SLC39A12: variants seen among roughly 807,000 people sequenced by gnomAD.
SLC39A12 encodes the protein solute carrier family 39 member 12, also known as zinc transporter ZIP12.
In SLC39A12, 63 loss-of-function variants were observed where a neutral mutation model predicts 71.1. That is an observed-to-expected ratio of 0.89 (90% CI 0.72 to 1.09). The LOEUF is 1.09. SLC39A12 is among the 50% of genes least tolerant of loss of function. The pLI, the probability that SLC39A12 is intolerant of heterozygous loss-of-function variation, is 0.00. For missense variants in SLC39A12, 892 were observed against 812.6 expected (o/e 1.10, Z -1.19); for synonymous variants, 351 against 301.3 (o/e 1.16, Z -1.71).
At chr10:17,985,166 A>G (rs1417018749) in intron 6 of SLC39A12, among the ~76,000 whole-genome samples, 5 of 152,120 alleles carry the variant, frequency 3.3e-5, no homozygotes, top group African/African-American at 1.2e-4. Flanking sequence ...AACATGATGG[A>G]ACCCCGTCTC....
At chr10:18,018,934 C>G (rs1018209402) in intron 12 of SLC39A12, among the ~76,000 whole-genome samples, 1 of 152,106 alleles carries the variant, frequency 6.6e-6, no homozygotes, top group Admixed American at 6.5e-5. Context: ...CCTTCTACTT[C>G]TATCTTCTGA....
chr10:18,000,039 T>C (rs1564652208), intron 10 of SLC39A12, among the ~76,000 whole-genome samples: 1 of 152,204 alleles, frequency 6.6e-6, no homozygotes. Context: ...CTGGATGGCT[T>C]ATCAACAAAA....
intron 4 of SLC39A12, among the ~76,000 whole-genome samples, chr10:17,968,084 T>A (rs1396106959): frequency 6.6e-6 from 1 of 151,154 alleles, no homozygotes; most frequent in African/African-American, 2.4e-5. Context: ...TATGTATACA[T>A]GTGTGTTTCT....
At chr10:18,041,982 G>GCT (rs905716500) in intron 12 of SLC39A12, among the ~76,000 whole-genome samples, 9 of 149,976 alleles carry the variant, frequency 6.0e-5, no homozygotes, top group African/African-American at 2.0e-4. Flanking sequence ...CTTAGTCATC[G>GCT]CTCTCTCTCT....
intron 12 of SLC39A12, among the ~76,000 whole-genome samples, chr10:18,039,964 T>C (rs1281333153): frequency 6.6e-6 from 1 of 152,210 alleles, no homozygotes; most frequent in Non-Finnish European, 1.5e-5. Flanking sequence ...TGAAAGATAT[T>C]CATTCGCCAC....
chr10:18,041,160 A>C (rs1837214382), intron 12 of SLC39A12, among the ~76,000 whole-genome samples: 1 of 152,168 alleles, frequency 6.6e-6, no homozygotes, highest in African/African-American at 2.4e-5. Flanking sequence ...GGGCTTTGAA[A>C]TAATTTGAGA....
Position 17,991,148 on chromosome 10 carries a change from A to G in SLC39A12, c.1270-3A>G. On this transcript the variant is annotated splice_polypyrimidine_tract_variant and splice_region_variant and intron_variant, in intron 7 of 12. Coordinates refer to ENST00000377369, the MANE Select transcript of SLC39A12 (RefSeq NM_001145195.2). ...GCCTTTTTTTTTTTTTTTTCCCCTG[A>G]AGGTTCTTGGTTTACATAAGCAGGA... 7.1e-7 allele frequency: 1 copy of G among 1,409,786 alleles called. No individual in the cohort carries two copies. Among genetic ancestry groups the G allele is most frequent in the South Asian group, 1.5e-5 (1 of 67,884 alleles). The allele number at this position is 1,409,786 out of a possible 1,614,324, so 87.3% of individuals were successfully genotyped here. A position where few individuals can be genotyped will look rare whatever the true frequency, so the allele number is the denominator to read the frequency against.
chr10:18,030,257 G>A (rs908663609), intron 12 of SLC39A12, among the ~76,000 whole-genome samples: 1 of 151,478 alleles, frequency 6.6e-6, no homozygotes, highest in African/African-American at 2.4e-5. Flanking sequence ...TGCAAACTTA[G>A]TCTTTTCTTT....
At chr10:18,037,115 C>T (rs1283858851) in intron 12 of SLC39A12, among the ~76,000 whole-genome samples, 1 of 151,992 alleles carries the variant, frequency 6.6e-6, no homozygotes, top group Non-Finnish European at 1.5e-5. Context: ...ATACCTCTTT[C>T]CAAAATTTTT....
At chr10:18,022,273 T>A (rs1836553726) in intron 12 of SLC39A12, among the ~76,000 whole-genome samples, 1 of 152,178 alleles carries the variant, frequency 6.6e-6, no homozygotes, top group Non-Finnish European at 1.5e-5. Context: ...GAGTCATAGA[T>A]TTTATCTCTT....
At chr10:18,036,381 C>T (rs1012281116) in intron 12 of SLC39A12, among the ~76,000 whole-genome samples, 80 of 152,190 alleles carry the variant, frequency 5.3e-4, no homozygotes, top group Non-Finnish European at 1.1e-3. Context: ...GTCTGAAAAG[C>T]GCAGTATTCG....
Position 18,042,883 on chromosome 10 carries a change from G to C in SLC39A12, c.*50G>C, listed in dbSNP as rs749451800. The stretch of plus-strand genomic sequence containing the variant: ...AAATGCATTTATATAGTCTTACTTT[G>C]TTTCTTTCATTGCACTCTATAATGA... On this transcript the variant is annotated 3_prime_UTR_variant, in exon 13 of 13. Transcript: ENST00000377369. 4 of 1,510,898 alleles carry C rather than the reference G, an allele frequency of 2.6e-6. No individual in the cohort carries two copies. The highest frequency in any genetic ancestry group is 3.6e-6 in the Non-Finnish European group (4 of 1,120,166). The allele number at this position is 1,510,898 out of a possible 1,614,324, so 93.6% of individuals were successfully genotyped here.
chr10:17,971,552 T>C (rs1417101228), intron 4 of SLC39A12, among the ~76,000 whole-genome samples: 1 of 152,010 alleles, frequency 6.6e-6, no homozygotes, highest in Admixed American at 6.6e-5. Flanking sequence ...TTCTTCCTGG[T>C]TTAATCATGG....
intron 12 of SLC39A12, among the ~76,000 whole-genome samples, chr10:18,018,604 T>G (rs1240121314): frequency 6.6e-6 from 1 of 152,192 alleles, no homozygotes; most frequent in Non-Finnish European, 1.5e-5. Context: ...TTGGATTTTG[T>G]CAAATACTTT....
At chr10:18,009,505 C>T (rs1194459035) in intron 12 of SLC39A12, among the ~76,000 whole-genome samples, 1 of 152,196 alleles carries the variant, frequency 6.6e-6, no homozygotes, top group Non-Finnish European at 1.5e-5. Flanking sequence ...ATCTCTTCCC[C>T]CACCCTCACG....
chr10:18,030,854 G>A (rs1187858097), intron 12 of SLC39A12, among the ~76,000 whole-genome samples: 2 of 134,676 alleles, frequency 1.5e-5, no homozygotes, highest in African/African-American at 5.6e-5. Context: ...GTGTCCATGT[G>A]ATCTCATTGT....
At chr10:18,036,773 TA>T (rs1564665906) in intron 12 of SLC39A12, among the ~76,000 whole-genome samples, 4,444 of 24,118 alleles carry the variant, frequency 0.18, 397 homozygotes, top group Non-Finnish European at 0.23. Flanking sequence ...TATATATATA[TA>T]TATATATATA....
At chr10:18,042,474 A>AAG (rs1589265968) in intron 12 of SLC39A12, among the ~76,000 whole-genome samples, 1 of 151,622 alleles carries the variant, frequency 6.6e-6, no homozygotes. Flanking sequence ...AAAAAAAAAA[A>AAG]AAAAAAAAAG....
Position 17,981,404 on chromosome 10 carries a change from G to C in SLC39A12, c.1017G>C (p.Gly339=). The C allele has an allele frequency of 6.2e-7, 1 of 1,613,942 alleles. No individual in the cohort carries two copies. Among genetic ancestry groups the C allele is most frequent in the Non-Finnish European group, 8.5e-7 (1 of 1,179,882 alleles). Residue 339 remains glycine (G), a synonymous_variant, in exon 6 of 13, where the codon GGG becomes GGC. Transcript: ENST00000377369. ...AGGACTTTAAGCAAATGAGTCCAGG[G>C]ATCATCCAGCAGCTCCTCAGCTGCT... The part of the protein sequence containing the change: ...SKEDFKQMSP[G]IIQQLLSCSC...
Sources: gnomAD v4.1 joint callset for allele counts (sites outside exome capture counted in the v4.1 genomes callset) on GRCh38, gnomAD v4.1.1 for gene constraint, MANE v1.5 for transcripts, NCBI Gene and HGNC (gene_info 2026-07-23, HGNC 2026-07-21) for gene names.